The following TMEM9 variants were observed in gnomAD, a reference collection of about 807,000 sequenced individuals.
The protein encoded by TMEM9 is transmembrane protein 9.
A neutral mutation model predicts 22.8 loss-of-function variants in TMEM9; 13 were observed. The ratio of observed to expected loss-of-function variants is 0.57; its 90% confidence interval spans 0.37 to 0.91. TMEM9 has a LOEUF of 0.91. Ranked by LOEUF, TMEM9 falls within the 40% of genes least tolerant of loss-of-function variation. The probability of loss-of-function intolerance (pLI) is 0.01; values close to 1 mark genes in which losing one functional copy is unlikely to be tolerated. For synonymous variants in TMEM9, 88 were observed against 93.0 expected (o/e 0.95, Z 0.31); for missense variants, 182 against 238.1 (o/e 0.76, Z 1.55).
intron 4 of TMEM9, 68 bp from the exon 5 acceptor site, chr1:201,135,883 C>G: frequency 6.9e-7 from 1 of 1,458,780 alleles, no homozygotes; most frequent in South Asian, 1.4e-5. Context: ...TCCTGAAAGT[C>G]TGACATGGAA....
chr1:201,150,728 GGAAA>G (rs1203718088), intron 2 of TMEM9, among the ~76,000 whole-genome samples: 1 of 152,110 alleles, frequency 6.6e-6, no homozygotes, highest in Non-Finnish European at 1.5e-5. Flanking sequence ...AAGCACCAAA[GGAAA>G]GAAAGGTTAC....
At chr1:201,168,162 A>C (rs1346065474) in intron 1 of TMEM9, among the ~76,000 whole-genome samples, 1 of 152,158 alleles carries the variant, frequency 6.6e-6, no homozygotes, top group East Asian at 1.9e-4. Context: ...TATCCATTCT[A>C]TTGCAGCTGG....
At chr1:201,152,355 C>T (rs1293338523) in intron 1 of TMEM9, among the ~76,000 whole-genome samples, 1 of 152,124 alleles carries the variant, frequency 6.6e-6, no homozygotes, top group Non-Finnish European at 1.5e-5. Flanking sequence ...CTCAAGCAAC[C>T]CCTTTGAAAG....
intron 1 of TMEM9, among the ~76,000 whole-genome samples, chr1:201,165,813 A>G (rs1222729509): frequency 2.6e-5 from 4 of 152,186 alleles, no homozygotes; most frequent in South Asian, 2.1e-4. Context: ...ATTGTAAGCA[A>G]TTGTTCTCCA....
At chr1:201,137,778 C>T (rs567527584) in intron 4 of TMEM9, among the ~76,000 whole-genome samples, 2 of 152,192 alleles carry the variant, frequency 1.3e-5, no homozygotes, top group African/African-American at 2.4e-5. Context: ...TCCCTAGGAG[C>T]GATGACTAAT....
At chr1:201,155,750 T>C (rs149070536), upstream of TMEM9, among the ~76,000 whole-genome samples, 376 of 152,298 alleles carry the variant, frequency 2.5e-3, 2 homozygotes, top group Middle Eastern at 3.4e-3. Flanking sequence ...TTTGGATCTT[T>C]GGAAGTCTTT....
intron 4 of TMEM9, among the ~76,000 whole-genome samples, chr1:201,141,933 A>G (rs1205081420): frequency 6.6e-6 from 1 of 152,130 alleles, no homozygotes; most frequent in African/African-American, 2.4e-5. Context: ...CATTCCACGG[A>G]AATCATTGGG....
chr1:201,143,710 T>C lies in TMEM9; in HGVS notation c.399+110A>G, dbSNP rs1414289958. The C allele has an allele frequency of 6.2e-6, 7 of 1,133,346 alleles. No homozygotes were observed. The African/African-American group carries it at 9.2e-5, about 15-fold the overall frequency. The allele number at this position is 1,133,346 out of a possible 1,614,324, so 70.2% of individuals were successfully genotyped here. A position where few individuals can be genotyped will look rare whatever the true frequency, so the allele number is the denominator to read the frequency against. On this transcript the variant is annotated intron_variant, in intron 4 of 4. Coordinates refer to ENST00000367330, the MANE Select transcript of TMEM9 (RefSeq NM_001288565.2). ...GTACGACACTGACCAGAAGAGCAAC[T>C]TGAAGCATTTTGGGGAGGTGGGACC...
At chr1:201,139,938 G>A (rs1181272281) in intron 4 of TMEM9, among the ~76,000 whole-genome samples, 16 of 152,326 alleles carry the variant, frequency 1.1e-4, no homozygotes, top group Admixed American at 2.6e-4. Flanking sequence ...CTCTAGAAGC[G>A]TCTGTTGAAC....
At chr1:201,152,774 T>C (rs1471595848) in intron 1 of TMEM9, among the ~76,000 whole-genome samples, 1 of 152,190 alleles carries the variant, frequency 6.6e-6, no homozygotes, top group East Asian at 1.9e-4. Flanking sequence ...ACCACAAAGA[T>C]GATGTTAACA....
intron 4 of TMEM9, among the ~76,000 whole-genome samples, chr1:201,137,117 G>A (rs1307757182): frequency 6.6e-6 from 1 of 152,254 alleles, no homozygotes; most frequent in Non-Finnish European, 1.5e-5. Context: ...CCCAGGTCCT[G>A]AGGAAGGCTT....
chr1:201,170,150 C>T (rs1237500196), intron 1 of TMEM9, among the ~76,000 whole-genome samples: 1 of 152,200 alleles, frequency 6.6e-6, no homozygotes, highest in Non-Finnish European at 1.5e-5. Flanking sequence ...GGTGCATTGG[C>T]TGTGATGGAT....
chr1:201,147,939 C>A (rs530824135), intron 2 of TMEM9, among the ~76,000 whole-genome samples: 1 of 152,338 alleles, frequency 6.6e-6, no homozygotes, highest in African/African-American at 2.4e-5. Context: ...CAGCTCCCCC[C>A]AACCCCCCGC....
rs780932640 is a variant in TMEM9, at chr1:201,143,769, T to G, written c.399+51A>C. On this transcript the variant is annotated intron_variant, in intron 4 of 4. Coordinates refer to ENST00000367330, the MANE Select transcript of TMEM9 (RefSeq NM_001288565.2). Reference sequence around the variant, plus strand: ...GGTGACGCTCCTCTGGGTTTTGCCCTGGGGACGCACATGCAGGGACCCAGG... The same window carrying G: ...GGTGACGCTCCTCTGGGTTTTGCCCGGGGGACGCACATGCAGGGACCCAGG... 21 of 1,603,022 alleles carry G rather than the reference T, an allele frequency of 1.3e-5. No homozygotes were observed. In the East Asian group the frequency reaches 4.7e-4, roughly 36 times the overall value.
rs542080175 is a variant in TMEM9 at position 201,167,286 on chromosome 1, G to C, written c.-37+4204C>G. Reference sequence around the variant, plus strand: ...ATTACTCAAATCAGTCTCTCTGAAGGCTCAGAGGTTAGGAGTTTTTCAAAG... The same window carrying C: ...ATTACTCAAATCAGTCTCTCTGAAGCCTCAGAGGTTAGGAGTTTTTCAAAG... On this transcript the variant is annotated intron_variant, in intron 1 of 5. Transcript: ENST00000367333. Among the ~76,000 whole-genome samples, 15 of 152,298 alleles carry C rather than the reference G, an allele frequency of 9.8e-5. 1 individual carries two copies. The South Asian group carries it at 2.1e-3, about 21-fold the overall frequency.
At chr1:201,147,982 G>C (rs940177590) in intron 2 of TMEM9, among the ~76,000 whole-genome samples, 1 of 152,038 alleles carries the variant, frequency 6.6e-6, no homozygotes, top group Non-Finnish European at 1.5e-5. Flanking sequence ...ATCTTTATTC[G>C]TGCTGTCTCC....
intron 1 of TMEM9, among the ~76,000 whole-genome samples, chr1:201,164,172 A>C (rs562836433): frequency 6.6e-6 from 1 of 152,360 alleles, no homozygotes; most frequent in East Asian, 1.9e-4. Flanking sequence ...ATTTATATAA[A>C]TTCTTGAAAT....
chr1:201,142,037 AGCT>A (rs1664570708), intron 4 of TMEM9, among the ~76,000 whole-genome samples: 1 of 152,198 alleles, frequency 6.6e-6, no homozygotes, highest in Non-Finnish European at 1.5e-5. Flanking sequence ...CCCCTATCAG[AGCT>A]GCTATTACTC....
At chr1:201,141,491 C>G (rs1664524852) in intron 4 of TMEM9, among the ~76,000 whole-genome samples, 2 of 152,308 alleles carry the variant, frequency 1.3e-5, no homozygotes, top group East Asian at 3.9e-4. Flanking sequence ...CCAATGAGAT[C>G]TACCTGCCCC....
Sources: allele counts gnomAD v4.1 joint callset (sites outside exome capture counted in the v4.1 genomes callset), GRCh38; gene constraint gnomAD v4.1.1; transcripts MANE v1.5; gene names NCBI Gene and HGNC (gene_info 2026-07-23, HGNC 2026-07-21).